Variants in MEI4 observed in about 807,000 individuals in gnomAD.
The protein encoded by MEI4 is meiotic double-stranded break formation protein 4, also known as meiosis-specific protein MEI4.
A neutral mutation model predicts 31.4 loss-of-function variants in MEI4; 27 were observed. The ratio of observed to expected loss-of-function variants is 0.86; its 90% confidence interval spans 0.63 to 1.19. The LOEUF (loss-of-function observed/expected upper bound fraction) is 1.19. Ranked by LOEUF, MEI4 falls within the 50% of genes most tolerant of loss-of-function variation. MEI4 has a pLI of 0.00. For missense variants in MEI4, 329 were observed against 398.9 expected (o/e 0.82, Z 1.49); for synonymous variants, 122 against 145.4 (o/e 0.84, Z 1.16).
At chr6:77,701,320 G>C (rs1766216941) in intron 2 of MEI4, among the ~76,000 whole-genome samples, 1 of 152,144 alleles carries the variant, frequency 6.6e-6, no homozygotes, top group African/African-American at 2.4e-5. Flanking sequence ...TTCTAAACTG[G>C]ACTAGGGATT....
chr6:77,803,141 T>C (rs1769317736), intron 3 of MEI4, among the ~76,000 whole-genome samples: 1 of 152,208 alleles, frequency 6.6e-6, no homozygotes, highest in African/African-American at 2.4e-5. Context: ...TTTCACATAG[T>C]CCCATATTTA....
intron 3 of MEI4, among the ~76,000 whole-genome samples, chr6:77,819,723 C>T (rs1769772911): frequency 6.6e-6 from 1 of 151,992 alleles, no homozygotes. Context: ...GTAATAAAGG[C>T]CTTTCTTTTT....
rs922165317 is a variant in MEI4, at chr6:77,734,150, G to C, written c.233-26980G>C. On this transcript the variant is annotated intron_variant, in intron 2 of 4. Transcript: ENST00000684080. ...CTGTAGATGTCTATTAGGTCCGCTT[G>C]GTGCAGAGCTGAGTTCAATTCCTGG... is the stretch of plus-strand genomic sequence containing the variant. 3.9e-5 allele frequency among the ~76,000 whole-genome samples: 6 copies of C among 152,016 alleles called. No homozygotes were observed. The East Asian group carries it at 1.2e-3, about 29-fold the overall frequency.
intron 2 of MEI4, among the ~76,000 whole-genome samples, chr6:77,744,013 C>A (rs559424944): frequency 7.9e-4 from 120 of 151,606 alleles, no homozygotes; most frequent in African/African-American, 2.7e-3. Context: ...ACCACAAAGA[C>A]GGAGAAAAAA....
chr6:77,676,879 C>T (rs1768854743), intron 1 of MEI4, among the ~76,000 whole-genome samples: 1 of 152,118 alleles, frequency 6.6e-6, no homozygotes. Flanking sequence ...TGTTTGGATT[C>T]TAGCACAGTT....
In MEI4 at chr6:77,925,254, AT is replaced by A. The variant is rs1766816760; in HGVS notation, c.*1910del. On this transcript the variant is annotated 3_prime_UTR_variant, in exon 5 of 5. Coordinates refer to ENST00000684080, the MANE Select transcript of MEI4 (RefSeq NM_001322247.2). ...GAAAATTAGCCTAGGAAATATATTT[AT>A]TATAAAAGAAGATGCAAGATGTTGG... 1 of 151,870 alleles carries A rather than the reference AT, an allele frequency of 6.6e-6. No individual in the cohort carries two copies. Among genetic ancestry groups the A allele is most frequent in the South Asian group, 2.1e-4 (1 of 4,832 alleles). The allele number at this position is 151,870 out of a possible 1,614,324, so 9.4% of individuals were successfully genotyped here. A position where few individuals can be genotyped will look rare whatever the true frequency, so the allele number is the denominator to read the frequency against.
chr6:77,897,424 G>T (rs1483116836), intron 4 of MEI4, among the ~76,000 whole-genome samples: 1 of 151,882 alleles, frequency 6.6e-6, no homozygotes, highest in African/African-American at 2.4e-5. Context: ...CATAAATTCA[G>T]CTTCAAGAAA....
rs1301561625 is a variant in MEI4 at position 77,923,883 on chromosome 6, T to C, written c.*537T>C. 1 of 151,804 alleles carries C rather than the reference T, an allele frequency of 6.6e-6. No individual in the cohort carries two copies. The highest frequency in any genetic ancestry group is 1.5e-5 in the Non-Finnish European group (1 of 67,830). 9.4% of individuals were successfully genotyped at this position (151,804 alleles called of 1,614,324 possible). ...AGAACTTTTTTAACATTTGGAAACTTAATTGCTTTTTATTTATTTCAATTT... is the reference window on the plus strand; with the variant it reads ...AGAACTTTTTTAACATTTGGAAACTCAATTGCTTTTTATTTATTTCAATTT... On this transcript the variant is annotated 3_prime_UTR_variant, in exon 5 of 5. Coordinates refer to ENST00000684080, the MANE Select transcript of MEI4 (RefSeq NM_001322247.2).
intron 1 of MEI4, among the ~76,000 whole-genome samples, chr6:77,676,513 C>T (rs1244713019): frequency 6.6e-6 from 1 of 151,984 alleles, no homozygotes; most frequent in African/African-American, 2.4e-5. Flanking sequence ...GGCAATGGAG[C>T]AAGACCCATT....
intron 4 of MEI4, among the ~76,000 whole-genome samples, chr6:77,900,284 C>G (rs1208813638): frequency 3.3e-5 from 5 of 151,958 alleles, no homozygotes; most frequent in African/African-American, 1.2e-4. Flanking sequence ...TAGGGAGATT[C>G]CTCAAAATAT....
chr6:77,711,965 C>T (rs539929434), intron 2 of MEI4, among the ~76,000 whole-genome samples: 15 of 152,228 alleles, frequency 9.9e-5, no homozygotes, highest in Admixed American at 6.5e-4. Context: ...TAGTAATACT[C>T]AGAAGCCCAT....
intron 3 of MEI4, among the ~76,000 whole-genome samples, chr6:77,810,257 A>C (rs1268608296): frequency 2.6e-5 from 4 of 152,138 alleles, no homozygotes; most frequent in Non-Finnish European, 5.9e-5. Flanking sequence ...CAAGTAGGAA[A>C]AATCTGTAGT....
At chr6:77,737,082 G>T (rs1375242415) in intron 2 of MEI4, among the ~76,000 whole-genome samples, 1 of 152,218 alleles carries the variant, frequency 6.6e-6, no homozygotes, top group Non-Finnish European at 1.5e-5. Flanking sequence ...AGGTGTGACA[G>T]CCAGTGGAAA....
At position 77,865,937 on chromosome 6, in the gene MEI4, A is replaced by G. The variant is rs187893871; in HGVS notation, c.900+36875A>G. Among the ~76,000 whole-genome samples, 213 of 152,346 alleles carry G rather than the reference A, an allele frequency of 1.4e-3. 1 individual carries two copies. Among genetic ancestry groups the G allele is most frequent in the African/African-American group, 4.5e-3 (187 of 41,580 alleles). On this transcript the variant is annotated intron_variant, in intron 4 of 4. Coordinates refer to ENST00000684080, the MANE Select transcript of MEI4 (RefSeq NM_001322247.2). ...AGGCTGGTTCAACATATGCAAAGCA[A>G]TAAACGTAATCCAGCATATAAACAG...
chr6:77,844,623 A>G (rs1770436077), intron 4 of MEI4, among the ~76,000 whole-genome samples: 1 of 152,162 alleles, frequency 6.6e-6, no homozygotes, highest in South Asian at 2.1e-4. Flanking sequence ...GAAATTGGTA[A>G]TTTTATAAGT....
At chr6:77,763,572 G>C (rs950427831) in intron 3 of MEI4, among the ~76,000 whole-genome samples, 4 of 152,174 alleles carry the variant, frequency 2.6e-5, no homozygotes, top group Admixed American at 2.6e-4. Context: ...ACAATGGCAA[G>C]TGACATAGGA....
At chr6:77,904,334 G>A (rs1236849631) in intron 4 of MEI4, among the ~76,000 whole-genome samples, 4 of 151,898 alleles carry the variant, frequency 2.6e-5, no homozygotes, top group Non-Finnish European at 5.9e-5. Flanking sequence ...TTAGGTTCAG[G>A]GAGTACATGT....
chr6:77,866,748 G>A, intron 4 of MEI4, among the ~76,000 whole-genome samples: 1 of 152,144 alleles, frequency 6.6e-6, no homozygotes, highest in Non-Finnish European at 1.5e-5. Context: ...AACCAAAAAA[G>A]AGCCCACATT....
At chr6:77,671,559 A>G (rs1768741072) in intron 1 of MEI4, among the ~76,000 whole-genome samples, 1 of 152,204 alleles carries the variant, frequency 6.6e-6, no homozygotes, top group Admixed American at 6.5e-5. Context: ...TCACAGTTTG[A>G]TGGATAAATG....
Sources: allele counts gnomAD v4.1 joint callset (sites outside exome capture counted in the v4.1 genomes callset), GRCh38; gene constraint gnomAD v4.1.1; transcripts MANE v1.5; gene names NCBI Gene and HGNC (gene_info 2026-07-23, HGNC 2026-07-21).